The following SLC22A24 variants were observed in gnomAD, a reference collection of about 807,000 sequenced individuals.
SLC22A24 encodes solute carrier family 22 member 24.
A neutral mutation model predicts 49.8 loss-of-function variants in SLC22A24; 53 were observed. The observed-to-expected ratio is 1.06, with a 90% CI of 0.85 to 1.34. The LOEUF (loss-of-function observed/expected upper bound fraction) is 1.34. SLC22A24 is among the 40% of genes most tolerant of loss of function. The pLI is 0.00. For missense variants in SLC22A24, 786 were observed against 675.9 expected, an observed-to-expected ratio of 1.16 and a Z score of -1.81; for synonymous variants, 302 against 256.4, an observed-to-expected ratio of 1.18 and a Z score of -1.70.
intron 5 of SLC22A24, among the ~76,000 whole-genome samples, chr11:63,101,873 G>A (rs2134649630): frequency 6.6e-6 from 1 of 152,146 alleles, no homozygotes; most frequent in Non-Finnish European, 1.5e-5. Context: ...GAACATTTGT[G>A]GGAGCTAAAA....
intron 1 of SLC22A24, among the ~76,000 whole-genome samples, chr11:63,142,558 G>A (rs117918344): frequency 0.015 from 2,338 of 152,210 alleles, 27 homozygotes; most frequent in Middle Eastern, 0.054. Flanking sequence ...CTAGATTAAC[G>A]TTAGCCACAG....
intron 4 of SLC22A24, 26 bp from the exon 5 acceptor site, chr11:63,104,324 T>C (rs1407681338): frequency 3.3e-6 from 5 of 1,529,978 alleles, no homozygotes; most frequent in African/African-American, 1.4e-5. Context: ...AACATAGGTA[T>C]AGTAAACAAT....
At chr11:63,101,107 G>A (rs1440156348) in intron 5 of SLC22A24, among the ~76,000 whole-genome samples, 3 of 152,054 alleles carry the variant, frequency 2.0e-5, no homozygotes, top group African/African-American at 7.2e-5. Flanking sequence ...ACAAGGTAAA[G>A]AGACAGCCTG....
At chr11:63,097,507 G>A (rs182112390) in intron 5 of SLC22A24, among the ~76,000 whole-genome samples, 22 of 152,294 alleles carry the variant, frequency 1.4e-4, no homozygotes, top group African/African-American at 4.6e-4. Context: ...GTGGAAGATC[G>A]TGTGGCAACT....
At chr11:63,131,370 T>C (rs895531806) in intron 2 of SLC22A24, among the ~76,000 whole-genome samples, 5 of 152,174 alleles carry the variant, frequency 3.3e-5, no homozygotes, top group African/African-American at 1.2e-4. Flanking sequence ...GTCTTCATAG[T>C]GTCAATGGTC....
At chr11:63,132,972 T>G (rs530973829) in intron 2 of SLC22A24, among the ~76,000 whole-genome samples, 12 of 152,044 alleles carry the variant, frequency 7.9e-5, no homozygotes, top group African/African-American at 2.6e-4. Flanking sequence ...CAGTTCGAAC[T>G]TCCCAGCCAC....
At chr11:63,134,855 G>T in intron 1 of SLC22A24, 87 bp from the exon 2 acceptor site, 1 of 880,174 alleles carries the variant, frequency 1.1e-6, no homozygotes, top group Non-Finnish European at 1.8e-6. Context: ...TACATATGGT[G>T]TACACAATCC....
intron 4 of SLC22A24, among the ~76,000 whole-genome samples, chr11:63,110,216 T>C (rs1374215117): frequency 5.3e-5 from 8 of 151,814 alleles, no homozygotes; most frequent in Admixed American, 2.6e-4. Flanking sequence ...TATCTCTGTT[T>C]TGGTACCAGT....
intron 1 of SLC22A24, among the ~76,000 whole-genome samples, chr11:63,138,104 C>G (rs1298560259): frequency 1.3e-5 from 2 of 152,092 alleles, no homozygotes; most frequent in African/African-American, 4.8e-5. Flanking sequence ...GGGTTTAGGA[C>G]CTCTATAAGC....
chr11:63,082,523 A>G (rs1425049828), intron 7 of SLC22A24, among the ~76,000 whole-genome samples: 3 of 152,226 alleles, frequency 2.0e-5, no homozygotes, highest in Admixed American at 6.5e-5. Flanking sequence ...ATGTTCCCAT[A>G]ATCATTACAG....
At chr11:63,080,502 C>T (rs1237808849) in intron 9 of SLC22A24, among the ~76,000 whole-genome samples, 2 of 152,176 alleles carry the variant, frequency 1.3e-5, no homozygotes, top group Non-Finnish European at 1.5e-5. Flanking sequence ...AGGTATGAGG[C>T]AATCTCATTC....
intron 2 of SLC22A24, among the ~76,000 whole-genome samples, chr11:63,125,539 T>G (rs551840305): frequency 4.4e-4 from 67 of 152,368 alleles, no homozygotes; most frequent in Non-Finnish European, 1.0e-4. Context: ...TGCTACATTT[T>G]CTTAATCCAG....
Position 63,141,755 on chromosome 11 carries a change from A to T in SLC22A24, c.402+1623T>A, listed in dbSNP as rs187976375. 3.3e-5 allele frequency among the ~76,000 whole-genome samples: 5 copies of T among 152,336 alleles called. No individual in the cohort carries two copies. The East Asian group carries it at 9.6e-4, about 29-fold the overall frequency. Reference sequence around the variant, plus strand: ...GAACAGAGTTTCATCAAAGCCAATTAAAAAAGCCTAAGTGAAAAATAATTA... The same window carrying T: ...GAACAGAGTTTCATCAAAGCCAATTTAAAAAGCCTAAGTGAAAAATAATTA... On this transcript the variant is annotated intron_variant, in intron 1 of 9. Transcript: ENST00000612278.
chr11:63,125,747 G>A (rs998831200), intron 2 of SLC22A24, among the ~76,000 whole-genome samples: 2 of 151,898 alleles, frequency 1.3e-5, no homozygotes, highest in African/African-American at 4.9e-5. Context: ...CTTCCACAAT[G>A]GCTGAACTAA....
intron 1 of SLC22A24, among the ~76,000 whole-genome samples, chr11:63,140,439 G>T (rs1464924055): frequency 1.3e-5 from 2 of 152,120 alleles, no homozygotes; most frequent in African/African-American, 4.8e-5. Context: ...TAGACATTTG[G>T]TCTAAATTAA....
intron 1 of SLC22A24, among the ~76,000 whole-genome samples, chr11:63,141,611 C>T (rs2087416243): frequency 6.6e-6 from 1 of 152,210 alleles, no homozygotes; most frequent in African/African-American, 2.4e-5. Flanking sequence ...CACTTTCTAA[C>T]AGGCCCAGGA....
chr11:63,131,469 C>T (rs1277146173), intron 2 of SLC22A24, among the ~76,000 whole-genome samples: 2 of 152,086 alleles, frequency 1.3e-5, no homozygotes, highest in Non-Finnish European at 1.5e-5. Flanking sequence ...GTAAGGCAGG[C>T]CTGGTGGTGA....
In SLC22A24 at chr11:63,096,096, G is replaced by C; in HGVS notation, c.965C>G (p.Ser322Cys). Residue 322 changes from serine to cysteine, a missense_variant, in exon 6 of 10, where the codon TCC (serine) becomes TGC (cysteine). Transcript: ENST00000612278. ...TGCATCCAACTCCTTCTTCATGGTG[G>C]ATCTCACAAGCTTCAGCAACAAAAA... ...EETLTTELVR[S>C]TMKKELDAVR... is the part of the protein sequence containing the mutation. 1 of 1,548,710 alleles carries C rather than the reference G, an allele frequency of 6.5e-7. No individual in the cohort carries two copies. The highest frequency in any genetic ancestry group is 8.7e-7 in the Non-Finnish European group (1 of 1,144,532).
intron 2 of SLC22A24, among the ~76,000 whole-genome samples, chr11:63,131,789 A>G (rs2105627): frequency 0.8 from 120,555 of 151,432 alleles, 49,027 homozygotes; most frequent in East Asian, 0.9. Context: ...GTATCTTTGT[A>G]GTGTTCTCTG....
Sources: gnomAD v4.1 joint callset for allele counts (sites outside exome capture counted in the v4.1 genomes callset) on GRCh38, gnomAD v4.1.1 for gene constraint, MANE v1.5 for transcripts, NCBI Gene and HGNC (gene_info 2026-07-23, HGNC 2026-07-21) for gene names.